Variants in LRMDA observed in about 807,000 individuals in gnomAD.
The protein encoded by LRMDA is leucine-rich melanocyte differentiation-associated protein.
In LRMDA, 18 loss-of-function variants were observed where a neutral mutation model predicts 29.8. The ratio of observed to expected loss-of-function variants is 0.60; its 90% CI spans 0.42 to 0.90. The LOEUF (loss-of-function observed/expected upper bound fraction) is 0.90, where lower values mean the gene tolerates loss of function less well. Ranked by LOEUF, LRMDA falls within the 40% of genes least tolerant of loss-of-function variation. The pLI is 0.00. For missense variants in LRMDA, 273 were observed against 273.9 expected (o/e 1.00, Z 0.02); for synonymous variants, 125 against 109.4 (o/e 1.14, Z -0.89).
rs572828689 is a variant in LRMDA at position 76,197,996 on chromosome 10, C to A, written c.517-126405C>A. Among the ~76,000 whole-genome samples, 28 of 152,252 alleles carry A rather than the reference C, an allele frequency of 1.8e-4. No homozygotes were observed. In the South Asian group the frequency reaches 5.8e-3, roughly 32 times the overall value. On this transcript the variant is annotated intron_variant, in intron 5 of 6. Coordinates refer to ENST00000611255, the MANE Select transcript of LRMDA (RefSeq NM_001305581.2). ...ACTACACAGTCTTTGTCCTTGGGGC[C>A]TCCTGAAGTAGACCTTGATCCCAGG...
intron 2 of LRMDA, among the ~76,000 whole-genome samples, chr10:75,503,877 T>C (rs1359465717): frequency 6.6e-6 from 1 of 152,124 alleles, no homozygotes; most frequent in African/African-American, 2.4e-5. Context: ...TTTGGAAAGG[T>C]CAACAATCTG....
rs150427532 is a variant in LRMDA at position 76,394,904 on chromosome 10, A to T, written c.601+70419A>T. Reference sequence around the variant, plus strand: ...TGTTATTTCCTGAAACATGCTTGCCATTACTCAAGTGGCATACAAAATAAA... The same window carrying T: ...TGTTATTTCCTGAAACATGCTTGCCTTTACTCAAGTGGCATACAAAATAAA... On this transcript the variant is annotated intron_variant, in intron 6 of 6. Coordinates refer to ENST00000611255, the MANE Select transcript of LRMDA (RefSeq NM_001305581.2). 1.9e-3 allele frequency among the ~76,000 whole-genome samples: 288 copies of T among 152,286 alleles called. 1 individual carries two copies. The highest frequency in any genetic ancestry group is 6.7e-3 in the African/African-American group (280 of 41,556).
In LRMDA at chr10:76,384,565, C is replaced by T. The variant is rs183004340; in HGVS notation, c.601+60080C>T. 2.0e-3 allele frequency among the ~76,000 whole-genome samples: 301 copies of T among 152,338 alleles called. 2 individuals are homozygous for T. The highest frequency in any genetic ancestry group is 6.5e-3 in the African/African-American group (271 of 41,576). On this transcript the variant is annotated intron_variant, in intron 6 of 6. Coordinates refer to ENST00000611255, the MANE Select transcript of LRMDA (RefSeq NM_001305581.2). ...ACCCCACAATTGGACCTCATCTTCA[C>T]TTATGTTATTACTTTATTCTAGACT... is the stretch of plus-strand genomic sequence containing the variant.
intron 5 of LRMDA, among the ~76,000 whole-genome samples, chr10:76,214,729 T>C (rs909229118): frequency 1.3e-5 from 2 of 152,232 alleles, no homozygotes; most frequent in African/African-American, 4.8e-5. Context: ...TAGATAGTTA[T>C]GGCATGGAAC....
intron 2 of LRMDA, among the ~76,000 whole-genome samples, chr10:75,741,521 C>A (rs933031509): frequency 5.3e-5 from 8 of 152,032 alleles, no homozygotes; most frequent in Admixed American, 5.2e-4. Flanking sequence ...TGGTAACCTT[C>A]ATCTGTGGAA....
At position 75,906,365 on chromosome 10, in the gene LRMDA, C is replaced by A. The variant is rs559810469; in HGVS notation, c.132-129643C>A. The stretch of plus-strand genomic sequence containing the variant: ...TGTTTAAAACCAGCACCATTATCTC[C>A]ATTAGCTTTATTTTGCCCCTGAGAA... On this transcript the variant is annotated intron_variant, in intron 2 of 6. Coordinates refer to ENST00000611255, the MANE Select transcript of LRMDA (RefSeq NM_001305581.2). Among the ~76,000 whole-genome samples the A allele has an allele frequency of 1.1e-4, 16 of 152,174 alleles. No individual in the cohort carries two copies. The South Asian group carries it at 3.3e-3, about 32-fold the overall frequency.
chr10:75,619,078 T>A (rs968289795), intron 2 of LRMDA, among the ~76,000 whole-genome samples: 1 of 152,162 alleles, frequency 6.6e-6, no homozygotes, highest in African/African-American at 2.4e-5. Flanking sequence ...ATTACAGGTG[T>A]AAGCCACTGC....
chr10:76,039,415 T>C (rs1468630609), intron 3 of LRMDA, among the ~76,000 whole-genome samples: 1 of 152,250 alleles, frequency 6.6e-6, no homozygotes, highest in Non-Finnish European at 1.5e-5. Flanking sequence ...TCTTGAATCC[T>C]TTTGTGAAGT....
intron 6 of LRMDA, among the ~76,000 whole-genome samples, chr10:76,502,698 C>G (rs1380725344): frequency 6.6e-6 from 1 of 151,452 alleles, no homozygotes; most frequent in East Asian, 1.9e-4. Context: ...GATTTTTGTA[C>G]ATTGATCTTT....
chr10:76,378,009 TC>T (rs1411681098), intron 6 of LRMDA, among the ~76,000 whole-genome samples: 1 of 152,194 alleles, frequency 6.6e-6, no homozygotes, highest in Non-Finnish European at 1.5e-5. Flanking sequence ...GACTTTTTAA[TC>T]CATGGGCATG....
chr10:76,187,625 C>G (rs1851173075), intron 5 of LRMDA, among the ~76,000 whole-genome samples: 1 of 152,178 alleles, frequency 6.6e-6, no homozygotes, highest in Non-Finnish European at 1.5e-5. Flanking sequence ...GGAATATGCT[C>G]TGCTCCATGT....
In LRMDA at chr10:75,633,020, C is replaced by T. The variant is rs192201905; in HGVS notation, c.131+194526C>T. Among the ~76,000 whole-genome samples, 548 of 151,892 alleles carry T rather than the reference C, an allele frequency of 3.6e-3. 2 individuals are homozygous for T. The highest frequency in any genetic ancestry group is 0.013 in the African/African-American group (524 of 41,390). On this transcript the variant is annotated intron_variant, in intron 2 of 6. Transcript: ENST00000611255. The stretch of plus-strand genomic sequence containing the variant: ...GCAGAAGATGTGGGGAGGGCTTGAG[C>T]GTGTGTTTGAGAGGAGATGGGATGT...
chr10:76,204,430 A>G (rs913948682), intron 5 of LRMDA, among the ~76,000 whole-genome samples: 49 of 152,366 alleles, frequency 3.2e-4, no homozygotes, highest in African/African-American at 1.2e-3. Context: ...ATTCACCCAC[A>G]TATCCACTAC....
intron 2 of LRMDA, among the ~76,000 whole-genome samples, chr10:75,662,610 C>G (rs1841768414): frequency 1.3e-5 from 2 of 152,176 alleles, no homozygotes; most frequent in Non-Finnish European, 2.9e-5. Context: ...TTAAAAATTA[C>G]TTGTTCATGA....
intron 6 of LRMDA, among the ~76,000 whole-genome samples, chr10:76,446,838 C>G (rs1385032167): frequency 6.6e-6 from 1 of 152,182 alleles, no homozygotes; most frequent in Non-Finnish European, 1.5e-5. Context: ...TTTGGGCAGA[C>G]CTGCCTTGTA....
At chr10:75,844,159 A>G (rs1844592148) in intron 2 of LRMDA, among the ~76,000 whole-genome samples, 1 of 152,160 alleles carries the variant, frequency 6.6e-6, no homozygotes. Context: ...AAGTTAGTAA[A>G]TTTTGACATT....
At chr10:76,350,058 GA>G (rs1841156157) in intron 6 of LRMDA, among the ~76,000 whole-genome samples, 1 of 151,860 alleles carries the variant, frequency 6.6e-6, no homozygotes, top group Non-Finnish European at 1.5e-5. Context: ...TATAAAGCTT[GA>G]AAGTGCCAAA....
chr10:76,381,612 C>T (rs528027427), intron 6 of LRMDA, among the ~76,000 whole-genome samples: 42 of 152,230 alleles, frequency 2.8e-4, no homozygotes, highest in African/African-American at 9.1e-4. Flanking sequence ...CCCTCATATC[C>T]GGTAAGCATC....
chr10:75,536,401 C>T (rs1839945846), intron 2 of LRMDA, among the ~76,000 whole-genome samples: 1 of 152,158 alleles, frequency 6.6e-6, no homozygotes, highest in Admixed American at 6.5e-5. Flanking sequence ...CCAGCCTCTA[C>T]CTCTTGAAAA....
Sources: gnomAD v4.1 joint callset for allele counts (sites outside exome capture counted in the v4.1 genomes callset) on GRCh38, gnomAD v4.1.1 for gene constraint, MANE v1.5 for transcripts, NCBI Gene and HGNC (gene_info 2026-07-23, HGNC 2026-07-21) for gene names.